The following HUWE1 variants were observed in gnomAD, a reference collection of about 807,000 sequenced individuals.
The protein encoded by HUWE1 is E3 ubiquitin-protein ligase HUWE1.
In HUWE1, 18 loss-of-function variants were observed where a neutral mutation model predicts 299.4. The observed-to-expected ratio is 0.06, with a 90% CI of 0.04 to 0.09. The LOEUF is 0.09. Ranked by LOEUF, HUWE1 falls within the 10% of genes least tolerant of loss-of-function variation. HUWE1 has a pLI of 1.00. For missense variants in HUWE1, 1,832 were observed against 3,462.3 expected (o/e 0.53, Z 11.82); for synonymous variants, 1,317 against 1,286.1 (o/e 1.02, Z -0.51).
At chrX:53,556,114 C>T (rs2062004538) in intron 60 of HUWE1, 3 of 312,115 alleles carry the variant, frequency 9.6e-6, no homozygotes, top group Admixed American at 7.3e-5. Context: ...ACATCTGCCT[C>T]ACCCTAAACA....
rs1453301549 is a variant in HUWE1 at position 53,573,089 on chromosome X, C to T, written c.6312+661G>A. On this transcript the variant is annotated intron_variant, in intron 47 of 83. Coordinates refer to ENST00000262854, the MANE Select transcript of HUWE1 (RefSeq NM_031407.7). ...TTCCTCCAACTTCACCAAGATCGTA[C>T]GTTACTAGATTACTCTATCAGATTC... 8.1e-5 allele frequency among the ~76,000 whole-genome samples: 9 copies of T among 111,728 alleles called. No homozygotes were observed. In the East Asian group the frequency reaches 1.1e-3, roughly 14 times the overall value.
At chrX:53,648,095 T>C (rs1557037303) in intron 5 of HUWE1, 117 bp downstream of exon 5, 4 of 542,069 alleles carry the variant, frequency 7.4e-6, no homozygotes, top group African/African-American at 2.3e-5. Context: ...ACATGCTAGA[T>C]GCTTATTAAT....
intron 6 of HUWE1, among the ~76,000 whole-genome samples, chrX:53,646,103 A>G (rs1035070892): frequency 4.5e-5 from 5 of 111,116 alleles, no homozygotes; most frequent in African/African-American, 1.6e-4. Flanking sequence ...TATATAACAT[A>G]TAAGTGTTAC....
rs187446526 is a variant in HUWE1 at position 53,663,461 on chromosome X, C to T, written c.-24-9330G>A. Among the ~76,000 whole-genome samples, 363 of 110,233 alleles carry T rather than the reference C, an allele frequency of 3.3e-3. 1 individual carries two copies. Among genetic ancestry groups the T allele is most frequent in the Admixed American group, 6.2e-3 (64 of 10,382 alleles). On this transcript the variant is annotated intron_variant, in intron 3 of 83. Coordinates refer to ENST00000262854, the MANE Select transcript of HUWE1 (RefSeq NM_031407.7). ...CCGGGAGGCGGAGGTTGCAGTGAGC[C>T]GAGATTGCACCATTGCACTCCAGTC...
rs1248931839 is a variant in HUWE1 at position 53,603,363 on chromosome X, C to T, written c.2876+5G>A. On this transcript the variant is annotated splice_donor_5th_base_variant and intron_variant, in intron 27 of 83. Coordinates refer to ENST00000262854, the MANE Select transcript of HUWE1 (RefSeq NM_031407.7). The stretch of plus-strand genomic sequence containing the variant: ...AAGTAATAAGAGAGAGAGCCATTCT[C>T]TTACCTGTTTGGGGTACACAGAGAG... The T allele has an allele frequency of 1.4e-5, 17 of 1,206,403 alleles. No individual in the cohort carries two copies. The highest frequency in any genetic ancestry group is 1.9e-5 in the Non-Finnish European group (17 of 892,753).
intron 46 of HUWE1, among the ~76,000 whole-genome samples, chrX:53,574,695 TC>T (rs782588380): frequency 1.1e-4 from 12 of 112,226 alleles, no homozygotes; most frequent in Non-Finnish European, 2.3e-4. Context: ...CAAAGACCTT[TC>T]CTATCTAAGG....
intron 60 of HUWE1, among the ~76,000 whole-genome samples, chrX:53,556,604 C>A (rs1046255452): frequency 8.1e-5 from 9 of 111,434 alleles, no homozygotes; most frequent in Admixed American, 2.9e-4. Context: ...TGGCTACTGA[C>A]CATTGTTAAG....
intron 23 of HUWE1, 104 bp downstream of exon 23, chrX:53,614,430 A>T: frequency 1.6e-6 from 1 of 641,715 alleles, no homozygotes; most frequent in African/African-American, 2.1e-5. Flanking sequence ...ATGATCTAAT[A>T]CAACTCTCTT....
At chrX:53,605,063 A>G (rs1246737169) in intron 25 of HUWE1, among the ~76,000 whole-genome samples, 1 of 111,985 alleles carries the variant, frequency 8.9e-6, no homozygotes, top group Non-Finnish European at 1.9e-5. Flanking sequence ...GTGAGCCAAT[A>G]ACACTTAAAA....
chrX:53,573,184 G>C (rs1336132979), intron 47 of HUWE1, among the ~76,000 whole-genome samples: 1 of 111,329 alleles, frequency 9.0e-6, no homozygotes, highest in Admixed American at 9.5e-5. Flanking sequence ...ACTTTCAATA[G>C]AACAAATCTC....
At chrX:53,683,640 G>C in intron 2 of HUWE1, among the ~76,000 whole-genome samples, 1 of 111,773 alleles carries the variant, frequency 8.9e-6, no homozygotes, top group Non-Finnish European at 1.9e-5. Flanking sequence ...AAATGGTGTC[G>C]CCTCAACGGA....
chrX:53,542,845 T>TGTGTGTG, intron 73 of HUWE1: 1 of 157,821 alleles, frequency 6.3e-6, no homozygotes, highest in East Asian at 1.7e-4. Flanking sequence ...TCTTCTTCTG[T>TGTGTGTG]TGTGTGTGTG....
At position 53,560,334 on chromosome X, in the gene HUWE1, C is replaced by A; in HGVS notation, c.7590G>T (p.Leu2530=). The A allele has an allele frequency of 1.7e-6, 2 of 1,211,724 alleles. No homozygotes were observed. The highest frequency in any genetic ancestry group is 2.2e-6 in the Non-Finnish European group (2 of 895,474). The change falls in exon 56 of 84, where the codon CTG becomes CTT. Residue 2530 remains leucine, a synonymous_variant. Coordinates refer to ENST00000262854, the MANE Select transcript of HUWE1 (RefSeq NM_031407.7). The part of the protein sequence containing the change: ...VRHADHSSLT[L]GSGSSTTRLT... ...GACGAGTTGTTGAAGAGCCACTGCCCAGTGTCAGAGAACTGTGGTCTGCAT... is the reference window on the plus strand; with the variant it reads ...GACGAGTTGTTGAAGAGCCACTGCCAAGTGTCAGAGAACTGTGGTCTGCAT...
intron 25 of HUWE1, 60 bp downstream of exon 25, chrX:53,607,463 G>A (rs966474429): frequency 2.9e-5 from 31 of 1,060,176 alleles, no homozygotes; most frequent in Non-Finnish European, 3.9e-5. Flanking sequence ...CATATATACA[G>A]AAGTATCGCA....
chrX:53,549,651 C>T (rs2061682987), intron 66 of HUWE1, 146 bp from the exon 67 acceptor site: 2 of 520,265 alleles, frequency 3.8e-6, no homozygotes, highest in Non-Finnish European at 6.7e-6. Flanking sequence ...TTCATAGTAA[C>T]AGCTGCCCTC....
chrX:53,673,324 G>A (rs781871390), intron 3 of HUWE1, among the ~76,000 whole-genome samples: 1 of 111,278 alleles, frequency 9.0e-6, no homozygotes, highest in African/African-American at 3.3e-5. Context: ...CCAGTGCTTG[G>A]GACCAGCAGG....
chrX:53,557,510 C>T (rs2062077329), intron 59 of HUWE1, 83 bp from the exon 60 acceptor site: 2 of 762,170 alleles, frequency 2.6e-6, no homozygotes, highest in South Asian at 2.1e-5. Context: ...CATCCTCCAC[C>T]CAGACCATCT....
At chrX:53,557,485 A>T in intron 59 of HUWE1, 58 bp from the exon 60 acceptor site, 2 of 948,580 alleles carry the variant, frequency 2.1e-6, no homozygotes, top group Admixed American at 2.2e-5. Flanking sequence ...GATAGAGGTC[A>T]ACTGTAATAG....
intron 2 of HUWE1, among the ~76,000 whole-genome samples, chrX:53,683,123 G>C (rs1485811044): frequency 9.0e-6 from 1 of 111,251 alleles, no homozygotes. Context: ...AATGGAAGGG[G>C]GAGACAGAGC....
Sources: gnomAD v4.1 joint callset for allele counts (sites outside exome capture counted in the v4.1 genomes callset) on GRCh38, gnomAD v4.1.1 for gene constraint, MANE v1.5 for transcripts, NCBI Gene and HGNC (gene_info 2026-07-23, HGNC 2026-07-21) for gene names.